HTR2C: variants seen among roughly 807,000 people sequenced by gnomAD.
The protein encoded by HTR2C is 5-hydroxytryptamine (serotonin) receptor 2C, G protein-coupled.
HTR2C carries 5 observed loss-of-function variants against 21.0 expected under a neutral mutation model. The ratio of observed to expected loss-of-function variants is 0.24; its 90% CI spans 0.12 to 0.50. The LOEUF is 0.50. Among genes scored for constraint, HTR2C ranks in the 20% least tolerant of loss-of-function variants. The probability of loss-of-function intolerance (pLI) is 0.98; values close to 1 mark genes in which losing one functional copy is unlikely to be tolerated. For missense variants in HTR2C, 271 were observed against 371.2 expected (o/e 0.73, Z 2.22); for synonymous variants, 150 against 145.3 (o/e 1.03, Z -0.23).
At chrX:114,655,665 A>C (rs1930756502) in intron 2 of HTR2C, among the ~76,000 whole-genome samples, 1 of 111,407 alleles carries the variant, frequency 9.0e-6, no homozygotes, top group Admixed American at 9.6e-5. Context: ...TGGATGAGAT[A>C]TATCTATATC....
intron 4 of HTR2C, among the ~76,000 whole-genome samples, chrX:114,748,390 T>C (rs1556426763): frequency 9.0e-6 from 1 of 111,484 alleles, no homozygotes; most frequent in Non-Finnish European, 1.9e-5. Context: ...TCTCAGCAGG[T>C]TTTTTTAATC....
chrX:114,716,498 G>A (rs1484151185), intron 2 of HTR2C, among the ~76,000 whole-genome samples: 3 of 110,720 alleles, frequency 2.7e-5, no homozygotes, highest in African/African-American at 6.6e-5. Context: ...GGAGGAACAG[G>A]TAAATCTATT....
At chrX:114,836,368 C>T (rs782401209) in intron 4 of HTR2C, among the ~76,000 whole-genome samples, 140 of 111,933 alleles carry the variant, frequency 1.3e-3, no homozygotes, top group Non-Finnish European at 2.4e-3. Flanking sequence ...ACTCCGTGGG[C>T]GTAGGACCCT....
Position 114,726,854 on chromosome X carries a change from C to G in HTR2C, c.-79-4C>G. ...TTTTCTCTTTCTTCTTTTTCTCTCC[C>G]CAGAAAGGATGATATGATGAACCTA... On this transcript the variant is annotated splice_polypyrimidine_tract_variant and splice_region_variant and intron_variant, in intron 2 of 5. Transcript: ENST00000276198. 1 of 587,347 alleles carries G rather than the reference C, an allele frequency of 1.7e-6. No homozygotes were observed. Among genetic ancestry groups the G allele is most frequent in the Non-Finnish European group, 2.7e-6 (1 of 371,664 alleles). 48.4% of individuals were successfully genotyped at this position (587,347 alleles called of 1,213,427 possible).
At chrX:114,885,592 AAAAG>A (rs1290778281) in intron 5 of HTR2C, among the ~76,000 whole-genome samples, 1 of 112,054 alleles carries the variant, frequency 8.9e-6, no homozygotes, top group African/African-American at 3.2e-5. Flanking sequence ...TTAATATTTT[AAAAG>A]AAAGAATTTT....
At chrX:114,687,195 T>C (rs1199510930) in intron 2 of HTR2C, among the ~76,000 whole-genome samples, 1 of 112,570 alleles carries the variant, frequency 8.9e-6, no homozygotes, top group African/African-American at 3.2e-5. Flanking sequence ...TTACTTAGCA[T>C]GTGTAGCAAG....
chrX:114,899,528 G>A (rs2071321757), intron 5 of HTR2C, among the ~76,000 whole-genome samples: 1 of 111,072 alleles, frequency 9.0e-6, no homozygotes, highest in Admixed American at 9.5e-5. Flanking sequence ...TTCACAAGGG[G>A]ATCTCCTGAT....
At chrX:114,699,814 A>C (rs1283477591) in intron 2 of HTR2C, among the ~76,000 whole-genome samples, 2 of 112,305 alleles carry the variant, frequency 1.8e-5, no homozygotes, top group African/African-American at 3.2e-5. Flanking sequence ...ATGGAAGAGG[A>C]GAAGAAATAT....
chrX:114,885,246 T>G (rs1366201883), intron 5 of HTR2C, among the ~76,000 whole-genome samples: 1 of 111,824 alleles, frequency 8.9e-6, no homozygotes, highest in African/African-American at 3.2e-5. Flanking sequence ...TATAATTGTA[T>G]TTTTACTGTT....
chrX:114,818,251 G>A (rs1556455174), intron 4 of HTR2C, among the ~76,000 whole-genome samples: 14 of 111,529 alleles, frequency 1.3e-4, no homozygotes, highest in Non-Finnish European at 1.9e-5. Context: ...ACACGTATAT[G>A]AGTTTGTTGT....
intron 4 of HTR2C, among the ~76,000 whole-genome samples, chrX:114,750,727 A>G (rs2069753326): frequency 8.9e-6 from 1 of 112,423 alleles, no homozygotes; most frequent in Non-Finnish European, 1.9e-5. Context: ...TAGGAATTTT[A>G]AACTGAGGCT....
chrX:114,722,241 G>A (rs1322843275), intron 2 of HTR2C, among the ~76,000 whole-genome samples: 23 of 110,668 alleles, frequency 2.1e-4, no homozygotes, highest in African/African-American at 7.2e-4. Context: ...CACATCCCTT[G>A]TAAGTTGGAT....
intron 2 of HTR2C, among the ~76,000 whole-genome samples, chrX:114,723,484 T>C (rs1341757646): frequency 9.0e-6 from 1 of 111,205 alleles, no homozygotes; most frequent in Non-Finnish European, 1.9e-5. Context: ...ATTCAATAAT[T>C]TTTTGAAGGG....
At chrX:114,722,987 G>A (rs1177141947) in intron 2 of HTR2C, among the ~76,000 whole-genome samples, 85 of 111,264 alleles carry the variant, frequency 7.6e-4, no homozygotes, top group African/African-American at 2.5e-3. Context: ...TTTTTTGGTT[G>A]TGTCTCTGCC....
At chrX:114,616,089 A>G (rs1928937348) in intron 2 of HTR2C, among the ~76,000 whole-genome samples, 1 of 111,299 alleles carries the variant, frequency 9.0e-6, no homozygotes, top group South Asian at 3.7e-4. Context: ...CAATATATTT[A>G]TTATAGAAGG....
chrX:114,829,752 A>G (rs1483505422), intron 4 of HTR2C, among the ~76,000 whole-genome samples: 3 of 111,637 alleles, frequency 2.7e-5, no homozygotes, highest in Non-Finnish European at 5.6e-5. Flanking sequence ...TTTCCATTGG[A>G]AGGTATTGTC....
intron 2 of HTR2C, among the ~76,000 whole-genome samples, chrX:114,620,176 A>G (rs1929102906): frequency 8.9e-6 from 1 of 111,821 alleles, no homozygotes; most frequent in African/African-American, 3.3e-5. Context: ...CTCATAACTG[A>G]CAGCAGTAAA....
At chrX:114,726,412 G>T (rs782507441) in intron 2 of HTR2C, among the ~76,000 whole-genome samples, 6 of 112,245 alleles carry the variant, frequency 5.3e-5, no homozygotes, top group African/African-American at 1.9e-4. Flanking sequence ...TGCGCCCACT[G>T]TCTGGCACTC....
chrX:114,780,103 G>A (rs782167987), intron 4 of HTR2C, among the ~76,000 whole-genome samples: 1 of 111,810 alleles, frequency 8.9e-6, no homozygotes, highest in Admixed American at 9.5e-5. Context: ...GGTATTATAA[G>A]TAATCTAGAG....
Sources: allele counts gnomAD v4.1 joint callset (sites outside exome capture counted in the v4.1 genomes callset), GRCh38; gene constraint gnomAD v4.1.1; transcripts MANE v1.5; gene names NCBI Gene and HGNC (gene_info 2026-07-23, HGNC 2026-07-21).